The following TDRD6 variants were observed in gnomAD, a reference collection of about 807,000 sequenced individuals.
TDRD6 encodes the protein tudor domain-containing protein 6.
A neutral mutation model predicts 157.5 loss-of-function variants in TDRD6; 186 were observed. That is an observed-to-expected ratio of 1.18 (90% CI 1.05 to 1.33). TDRD6 has a LOEUF of 1.33. Ranked by LOEUF, TDRD6 falls within the 40% of genes most tolerant of loss-of-function variation. The pLI, the probability that TDRD6 is intolerant of heterozygous loss-of-function variation, is 0.00. For missense variants in TDRD6, 3,066 were observed against 2,508.0 expected (o/e 1.22, Z -4.75); for synonymous variants, 1,075 against 945.2 (o/e 1.14, Z -2.52).
At chr6:46,700,847 T>A (rs905196377) in intron 3 of TDRD6, among the ~76,000 whole-genome samples, 1 of 152,202 alleles carries the variant, frequency 6.6e-6, no homozygotes, top group Admixed American at 6.5e-5. Context: ...TTGACATGAT[T>A]CCTCATTATA....
In TDRD6 at chr6:46,703,808, A is replaced by G. The variant is rs1215921841; in HGVS notation, c.*1921A>G. ...TATCCTTCACAGCCTTTGTGTGAGTAACTAATGTATTCTAACTGGAATCCC... is the reference window on the plus strand; with the variant it reads ...TATCCTTCACAGCCTTTGTGTGAGTGACTAATGTATTCTAACTGGAATCCC... On this transcript the variant is annotated 3_prime_UTR_variant, in exon 4 of 4. Transcript: ENST00000316081. 6.6e-6 allele frequency: 1 copy of G among 152,160 alleles called. No individual in the cohort carries two copies. The highest frequency in any genetic ancestry group is 2.4e-5 in the African/African-American group (1 of 41,466). 9.4% of individuals were successfully genotyped at this position (152,160 alleles called of 1,614,324 possible).
In TDRD6 at chr6:46,693,420, A is replaced by C; in HGVS notation, c.5292A>C (p.Lys1764Asn). Residue 1764 changes from lysine (K) to asparagine (N), a missense_variant, in exon 1 of 4, where the codon AAA (lysine) becomes AAC (asparagine). Lys to Asn is a moderately conservative substitution (Grantham distance 94). Coordinates refer to ENST00000316081, the MANE Select transcript of TDRD6 (RefSeq NM_001010870.3). The stretch of plus-strand genomic sequence containing the variant: ...AAGATGTAAACATTATTGGAACCAA[A>C]CCAAGTAACTTCCGTGACCCTAAAA... ...TEKDVNIIGT[K>N]PSNFRDPKTD... 6 of 1,614,124 alleles carry C rather than the reference A, an allele frequency of 3.7e-6. No homozygotes were observed. Among genetic ancestry groups the C allele is most frequent in the Non-Finnish European group, 5.1e-6 (6 of 1,180,028 alleles).
intron 3 of TDRD6, among the ~76,000 whole-genome samples, chr6:46,701,336 T>A (rs1280708613): frequency 1.3e-5 from 2 of 152,144 alleles, no homozygotes; most frequent in African/African-American, 2.4e-5. Context: ...TTTAAAGAAT[T>A]TTCTCTGTTA....
In TDRD6 at chr6:46,698,008, T is replaced by C; in HGVS notation, c.6182T>C (p.Leu2061Pro). 6.3e-7 allele frequency: 1 copy of C among 1,595,492 alleles called. No individual in the cohort carries two copies. Among genetic ancestry groups the C allele is most frequent in the South Asian group, 1.2e-5 (1 of 86,564 alleles). The change falls in exon 3 of 4, where the codon CTT becomes CCT. Residue 2061 changes from leucine (L) to proline (P), a missense_variant. Coordinates refer to ENST00000316081, the MANE Select transcript of TDRD6 (RefSeq NM_001010870.3). ...TGTTTTCTCCTGTAGGTTTTGAACCTTTCAAATGGTATGGAGGAGATAGTG... is the reference window on the plus strand; with the variant it reads ...TGTTTTCTCCTGTAGGTTTTGAACCCTTCAAATGGTATGGAGGAGATAGTG... ...TAEEGTRVLN[L>P]SNGMEEIVNP...
In TDRD6 at chr6:46,692,453, C is replaced by A. The variant is rs1395055064; in HGVS notation, c.4325C>A (p.Thr1442Asn). The A allele has an allele frequency of 6.2e-7, 1 of 1,613,780 alleles. No homozygotes were observed. The highest frequency in any genetic ancestry group is 1.3e-5 in the African/African-American group (1 of 74,904). ...ATGATGCATTACTTTTCCCAACGGA[C>A]CAGCGAGGCTGCAATAAGATGTGAA... ...KKMMHYFSQR[T>N]SEAAIRCEFV... The change falls in exon 1 of 4, where the codon ACC (threonine) becomes AAC (asparagine). Residue 1442 changes from threonine (T) to asparagine (N), a missense_variant. By Grantham distance (65) the Thr-to-Asn change is moderately conservative. Transcript: ENST00000316081.
In TDRD6 at chr6:46,703,287, G is replaced by A. The variant is rs535036331; in HGVS notation, c.*1400G>A. 1.1e-4 allele frequency: 16 copies of A among 152,134 alleles called. No individual in the cohort carries two copies. Among genetic ancestry groups the A allele is most frequent in the African/African-American group, 1.9e-4 (8 of 41,530 alleles). The allele number at this position is 152,134 out of a possible 1,614,324, so 9.4% of individuals were successfully genotyped here. ...ACCTTAAAAACCCATTATAATTTCC[G>A]TAAGTAGAAGGGAGAGAGGTTTGCA... On this transcript the variant is annotated 3_prime_UTR_variant, in exon 4 of 4. Transcript: ENST00000316081.
chr6:46,684,905 T>C (rs543120835), upstream of TDRD6, among the ~76,000 whole-genome samples: 2 of 152,334 alleles, frequency 1.3e-5, no homozygotes, highest in South Asian at 4.1e-4. Flanking sequence ...TTTTACATTC[T>C]TACCAGCAAC....
the TDRD6 span, among the ~76,000 whole-genome samples, chr6:46,680,581 C>T: frequency 3.9e-5 from 6 of 152,138 alleles, no homozygotes; most frequent in African/African-American, 1.4e-4. Context: ...GAAGCACAGT[C>T]GTCTTCCATG....
chr6:46,691,737 A>G lies in TDRD6; in HGVS notation c.3609A>G (p.Leu1203=). 6.3e-7 allele frequency: 1 copy of G among 1,593,232 alleles called. No homozygotes were observed. The change falls in exon 1 of 4, where the codon TTA becomes TTG. Residue 1203 remains leucine, a synonymous_variant. Transcript: ENST00000316081. The part of the protein sequence containing the change: ...EYLSKSVGYK[L]PNKEILEESY... ...TAAGTAAATCAGTAGGGTACAAGTT[A>G]CCTAATAAAGAAATTTTGGAAGAGT...
rs1764672320 is a variant in TDRD6 at position 46,703,467 on chromosome 6, A to G, written c.*1580A>G. 6.6e-6 allele frequency: 1 copy of G among 152,094 alleles called. No individual in the cohort carries two copies. Among genetic ancestry groups the G allele is most frequent in the African/African-American group, 2.4e-5 (1 of 41,456 alleles). 9.4% of individuals were successfully genotyped at this position (152,094 alleles called of 1,614,324 possible). On this transcript the variant is annotated 3_prime_UTR_variant, in exon 4 of 4. Transcript: ENST00000316081. The stretch of plus-strand genomic sequence containing the variant: ...CAGATTATAGGAAGCCTTCAATTTC[A>G]AGCTGAGTTTAACTCCCTATTTTAA...
chr6:46,688,656 C>T lies in TDRD6; in HGVS notation c.528C>T (p.Leu176=), dbSNP rs201812782. 2 of 1,599,612 alleles carry T rather than the reference C, an allele frequency of 1.3e-6. No homozygotes were observed. The change falls in exon 1 of 4, where the codon CTC becomes CTT. Residue 176 remains leucine (L), a synonymous_variant. Coordinates refer to ENST00000316081, the MANE Select transcript of TDRD6 (RefSeq NM_001010870.3). ...GGTGCGTCCTGGACGTGCTGCTGCT[C>T]CATCGCCTGGTCCTCCTGGAGGTGC... ...VHGCVLDVLL[L]HRLVLLEVPD...
chr6:46,688,057 G>T lies in TDRD6; in HGVS notation c.-72G>T. The T allele has an allele frequency of 1.4e-6, 2 of 1,407,842 alleles. No individual in the cohort carries two copies. Among genetic ancestry groups the T allele is most frequent in the Non-Finnish European group, 1.8e-6 (2 of 1,089,364 alleles). 87.2% of individuals were successfully genotyped at this position (1,407,842 alleles called of 1,614,324 possible). A position where few individuals can be genotyped will look rare whatever the true frequency, so the allele number is the denominator to read the frequency against. On this transcript the variant is annotated 5_prime_UTR_variant, in exon 1 of 4. Coordinates refer to ENST00000316081, the MANE Select transcript of TDRD6 (RefSeq NM_001010870.3). ...TTTGGCTGGGACTCGCCTTCAGGCG[G>T]CGCGGAGGATTTCGAGGCCCTGAGG... is the stretch of plus-strand genomic sequence containing the variant.
At chr6:46,680,317 T>C in the TDRD6 span, among the ~76,000 whole-genome samples, 1 of 150,774 alleles carries the variant, frequency 6.6e-6, no homozygotes, top group African/African-American at 2.4e-5. Context: ...GGAGGGAGAC[T>C]CTGTCCGTGA....
chr6:46,691,623 A>T lies in TDRD6; in HGVS notation c.3495A>T (p.Ile1165=). 1 of 1,613,356 alleles carries T rather than the reference A, an allele frequency of 6.2e-7. No homozygotes were observed. The highest frequency in any genetic ancestry group is 8.5e-7 in the Non-Finnish European group (1 of 1,179,656). ...KLGLLSYKDR[I]RKKESEVLCS... is the part of the protein sequence containing the mutation. ...GGCTACTTAGTTACAAAGATAGAATAAGAAAAAAAGAAAGTGAAGTCCTCT... is the reference window on the plus strand; with the variant it reads ...GGCTACTTAGTTACAAAGATAGAATTAGAAAAAAAGAAAGTGAAGTCCTCT... Residue 1165 remains isoleucine (I), a synonymous_variant, in exon 1 of 4, where the codon ATA becomes ATT. Coordinates refer to ENST00000316081, the MANE Select transcript of TDRD6 (RefSeq NM_001010870.3).
Position 46,690,257 on chromosome 6 carries a change from C to T in TDRD6, c.2129C>T (p.Ala710Val). The T allele has an allele frequency of 6.2e-7, 1 of 1,613,750 alleles. No homozygotes were observed. Among genetic ancestry groups the T allele is most frequent in the Non-Finnish European group, 8.5e-7 (1 of 1,180,020 alleles). ...AAGACTGGAGAAGGAGAGCAGAAAGCCAAGAGAGAGAATAAAACCACATCT... is the reference window on the plus strand; with the variant it reads ...AAGACTGGAGAAGGAGAGCAGAAAGTCAAGAGAGAGAATAAAACCACATCT... ...FAKTGEGEQK[A>V]KRENKTTSVS... The change falls in exon 1 of 4, where the codon GCC becomes GTC. Residue 710 changes from alanine to valine, a missense_variant. By Grantham distance (64) the Ala-to-Val change is moderately conservative. Coordinates refer to ENST00000316081, the MANE Select transcript of TDRD6 (RefSeq NM_001010870.3).
rs187042897 is a variant in TDRD6, at chr6:46,691,281, G to T, written c.3153G>T (p.Arg1051Ser). ...LAKYTDGNWY[R>S]GIVIEKEPKK... is the part of the protein sequence containing the mutation. ...AGTATACTGATGGAAACTGGTATAGGGGCATAGTAATAGAGAAAGAGCCAA... is the reference window on the plus strand; with the variant it reads ...AGTATACTGATGGAAACTGGTATAGTGGCATAGTAATAGAGAAAGAGCCAA... The change falls in exon 1 of 4, where the codon AGG becomes AGT. Residue 1051 changes from arginine (R) to serine (S), a missense_variant. Arg to Ser is a moderately radical substitution (Grantham distance 110). Transcript: ENST00000316081. 3.7e-6 allele frequency: 6 copies of T among 1,614,036 alleles called. No individual in the cohort carries two copies. The highest frequency in any genetic ancestry group is 2.2e-5 in the East Asian group (1 of 44,866).
rs908929406 is a variant in TDRD6, at chr6:46,688,850, A to G, written c.722A>G (p.Tyr241Cys). 6.2e-7 allele frequency: 1 copy of G among 1,611,550 alleles called. No homozygotes were observed. Among genetic ancestry groups the G allele is most frequent in the African/African-American group, 1.3e-5 (1 of 74,984 alleles). Reference protein sequence around the residue: ...PLKQKQPGLDYFYPQLQLGVT... With the variant: ...PLKQKQPGLDCFYPQLQLGVT... ...AAGCAAAAGCAGCCTGGTCTGGATT[A>G]CTTCTATCCCCAGCTGCAGCTGGGC... Residue 241 changes from tyrosine to cysteine, a missense_variant, in exon 1 of 4, where the codon TAC becomes TGC. Coordinates refer to ENST00000316081, the MANE Select transcript of TDRD6 (RefSeq NM_001010870.3).
Position 46,689,282 on chromosome 6 carries a change from G to C in TDRD6, c.1154G>C (p.Gly385Ala), listed in dbSNP as rs376979391. Residue 385 changes from glycine to alanine, a missense_variant, in exon 1 of 4, where the codon GGG (glycine) becomes GCG (alanine). By Grantham distance (60) the Gly-to-Ala change is moderately conservative. Transcript: ENST00000316081. ...PCALYGLWDG[G>A]RGWSRSQVGD... ...GCTTTGTATGGACTCTGGGACGGTG[G>C]GAGAGGCTGGTCTCGGTCACAGGTC... 53 of 1,614,074 alleles carry C rather than the reference G, an allele frequency of 3.3e-5. No individual in the cohort carries two copies. Among genetic ancestry groups the C allele is most frequent in the Non-Finnish European group, 4.5e-5 (53 of 1,180,036 alleles).
In TDRD6 at chr6:46,687,894, A is replaced by C; in HGVS notation, c.-235A>C. On this transcript the variant is annotated 5_prime_UTR_variant, in exon 1 of 4. Transcript: ENST00000316081. Reference sequence around the variant, plus strand: ...CGAGTGAGGTAAATGCGTGCCCGGAAGCGCGACCTCGGGCGGTTGGAGGGG... The same window carrying C: ...CGAGTGAGGTAAATGCGTGCCCGGACGCGCGACCTCGGGCGGTTGGAGGGG... The C allele has an allele frequency of 5.6e-6, 3 of 535,712 alleles. No individual in the cohort carries two copies. 33.2% of individuals were successfully genotyped at this position (535,712 alleles called of 1,614,324 possible).
Sources: gnomAD v4.1 joint callset for allele counts (sites outside exome capture counted in the v4.1 genomes callset) on GRCh38, gnomAD v4.1.1 for gene constraint, MANE v1.5 for transcripts, NCBI Gene and HGNC (gene_info 2026-07-23, HGNC 2026-07-21) for gene names.